The following GFRA2 variants were observed in gnomAD, a reference collection of about 807,000 sequenced individuals.
The protein encoded by GFRA2 is GDNF family receptor alpha-2.
In GFRA2, 17 loss-of-function variants were observed where a neutral mutation model predicts 48.3. The ratio of observed to expected loss-of-function variants is 0.35; its 90% CI spans 0.24 to 0.53. The LOEUF (loss-of-function observed/expected upper bound fraction) is 0.53. GFRA2 is among the 20% of genes least tolerant of loss of function. GFRA2 has a pLI of 0.93. For synonymous variants in GFRA2, 305 were observed against 257.2 expected (o/e 1.19, Z -1.78); for missense variants, 660 against 637.3 (o/e 1.04, Z -0.38).
chr8:21,704,892 G>T, intron 6 of GFRA2, 93 bp downstream of exon 6: 1 of 1,004,394 alleles, frequency 1.0e-6, no homozygotes, highest in Non-Finnish European at 1.5e-6. Flanking sequence ...TACATCACCA[G>T]CCATCCCCAC....
At chr8:21,762,698 T>G (rs1298747210) in intron 3 of GFRA2, among the ~76,000 whole-genome samples, 2 of 152,252 alleles carry the variant, frequency 1.3e-5, no homozygotes, top group Admixed American at 1.3e-4. Context: ...AAATTTCAGG[T>G]TAGTCTTAAT....
chr8:21,734,043 C>T (rs1025376693), intron 4 of GFRA2, among the ~76,000 whole-genome samples: 2 of 152,174 alleles, frequency 1.3e-5, no homozygotes, highest in Non-Finnish European at 2.9e-5. Flanking sequence ...GAAAGGGGAC[C>T]GTGCTTTCTG....
chr8:21,705,954 C>A lies in GFRA2; in HGVS notation c.882G>T (p.Leu294=). The change falls in exon 5 of 9, where the codon CTG becomes CTT. Residue 294 remains leucine (L), a synonymous_variant. Transcript: ENST00000524240. ...TACCAATCATGCCAGCATAAGAGCC[C>A]AGACACGCCTGGTAATTGTCCGCAG... The part of the protein sequence containing the change: ...SCPADNYQAC[L]GSYAGMIGFD... 1 of 1,569,112 alleles carries A rather than the reference C, an allele frequency of 6.4e-7. No homozygotes were observed. Among genetic ancestry groups the A allele is most frequent in the Admixed American group, 1.9e-5 (1 of 53,916 alleles).
At chr8:21,694,717 G>A (rs527371075) in intron 7 of GFRA2, among the ~76,000 whole-genome samples, 200 bp from the exon 8 acceptor site, 14 of 152,272 alleles carry the variant, frequency 9.2e-5, no homozygotes, top group African/African-American at 3.1e-4. Flanking sequence ...ATTAGGACCC[G>A]ACTCCTCTGG....
intron 4 of GFRA2, among the ~76,000 whole-genome samples, chr8:21,741,705 C>T (rs1331952687): frequency 1.3e-5 from 2 of 152,006 alleles, no homozygotes; most frequent in African/African-American, 2.4e-5. Context: ...AGGCAGATCA[C>T]GAGGTCAGGA....
chr8:21,693,241 G>A lies in GFRA2; in HGVS notation c.*37C>T, dbSNP rs376571976. ...TCGTCAGGCGGCTGTTCTTGTCTGC[G>A]TAGCTTTCAAAAATATTCTGACTCG... On this transcript the variant is annotated 3_prime_UTR_variant, in exon 9 of 9. Transcript: ENST00000524240. The A allele has an allele frequency of 2.3e-5, 37 of 1,588,936 alleles. No homozygotes were observed. In the African/African-American group the frequency reaches 4.0e-4, roughly 17 times the overall value.
At chr8:21,809,481 T>G (rs2308979) in intron 1 of GFRA2, among the ~76,000 whole-genome samples, 1 of 151,570 alleles carries the variant, frequency 6.6e-6, no homozygotes, top group East Asian at 1.9e-4. Context: ...CCCGCCACCA[T>G]GCCCAGCTAT....
intron 1 of GFRA2, among the ~76,000 whole-genome samples, chr8:21,786,399 C>T (rs1295052819): frequency 6.6e-6 from 1 of 152,258 alleles, no homozygotes; most frequent in African/African-American, 2.4e-5. Flanking sequence ...CAGCAGTAGG[C>T]AATCTGGCTG....
intron 7 of GFRA2, among the ~76,000 whole-genome samples, chr8:21,702,480 C>A (rs1435474926): frequency 6.6e-6 from 1 of 152,216 alleles, no homozygotes; most frequent in Non-Finnish European, 1.5e-5. Flanking sequence ...CCTGCTGCCC[C>A]ACTCAGACGG....
At chr8:21,800,464 C>A (rs1807750347) in intron 2 of GFRA2, among the ~76,000 whole-genome samples, 1 of 152,250 alleles carries the variant, frequency 6.6e-6, no homozygotes, top group Non-Finnish European at 1.5e-5. Context: ...GCATCACAAC[C>A]AGTCGCTTGG....
intron 7 of GFRA2, among the ~76,000 whole-genome samples, chr8:21,701,729 G>C (rs1802489818): frequency 6.6e-6 from 1 of 152,160 alleles, no homozygotes; most frequent in South Asian, 2.1e-4. Context: ...ACCAAGATTT[G>C]AGCAGGCCCC....
chr8:21,797,553 A>AC (rs1807699812), intron 2 of GFRA2: 1 of 151,728 alleles, frequency 6.6e-6, no homozygotes, highest in Non-Finnish European at 1.5e-5. Flanking sequence ...CACAGTGGTC[A>AC]CCTATGTTTA....
chr8:21,802,547 G>A (rs1400607802), intron 2 of GFRA2, among the ~76,000 whole-genome samples: 1 of 151,796 alleles, frequency 6.6e-6, no homozygotes, highest in Non-Finnish European at 1.5e-5. Context: ...TAGAGATGAG[G>A]TCTCTCTGTG....
At chr8:21,774,373 T>G (rs1475549413) in intron 3 of GFRA2, among the ~76,000 whole-genome samples, 1 of 152,076 alleles carries the variant, frequency 6.6e-6, no homozygotes, top group Non-Finnish European at 1.5e-5. Flanking sequence ...GGGGGTGGCC[T>G]GAGGACCAGA....
At chr8:21,771,532 G>C (rs958081388) in intron 3 of GFRA2, among the ~76,000 whole-genome samples, 12 of 152,338 alleles carry the variant, frequency 7.9e-5, no homozygotes, top group South Asian at 4.1e-4. Flanking sequence ...GAGGGAAGAA[G>C]CTGCCCTTCC....
chr8:21,798,085 A>G (rs1331983691), intron 2 of GFRA2, among the ~76,000 whole-genome samples: 5 of 152,172 alleles, frequency 3.3e-5, no homozygotes, highest in Non-Finnish European at 7.4e-5. Flanking sequence ...CTGCCTCCCC[A>G]CTACAAAAGG....
chr8:21,741,240 T>C (rs182981208), intron 4 of GFRA2, among the ~76,000 whole-genome samples: 6 of 152,260 alleles, frequency 3.9e-5, no homozygotes, highest in Admixed American at 2.6e-4. Context: ...CATCTCTCTC[T>C]GAGCCCCGCT....
At chr8:21,770,766 C>T (rs1806399795) in intron 3 of GFRA2, among the ~76,000 whole-genome samples, 1 of 152,200 alleles carries the variant, frequency 6.6e-6, no homozygotes, top group South Asian at 2.1e-4. Context: ...CCCAACCCGC[C>T]CAGTCCTCTT....
chr8:21,779,602 T>C (rs1806875970), intron 2 of GFRA2: 1 of 152,238 alleles, frequency 6.6e-6, no homozygotes, highest in Non-Finnish European at 1.5e-5. Context: ...AGTCCGGCTC[T>C]GGGTGAAGAC....
Sources: allele counts gnomAD v4.1 joint callset (sites outside exome capture counted in the v4.1 genomes callset), GRCh38; gene constraint gnomAD v4.1.1; transcripts MANE v1.5; gene names NCBI Gene and HGNC (gene_info 2026-07-23, HGNC 2026-07-21).